The following ADAMTSL3 variants were observed in gnomAD, a reference collection of about 807,000 sequenced individuals.
ADAMTSL3 encodes the protein ADAMTS like 3.
In ADAMTSL3, 128 loss-of-function variants were observed where a neutral mutation model predicts 201.7. The ratio of observed to expected loss-of-function variants is 0.63; its 90% CI spans 0.55 to 0.73. The LOEUF is 0.73. Ranked by LOEUF, ADAMTSL3 falls within the 30% of genes least tolerant of loss-of-function variation. ADAMTSL3 has a pLI of 0.00. For synonymous variants in ADAMTSL3, 738 were observed against 748.4 expected (o/e 0.99, Z 0.23); for missense variants, 1,990 against 2,119.6 (o/e 0.94, Z 1.20).
At chr15:83,973,763 C>T (rs2067235595) in intron 20 of ADAMTSL3, among the ~76,000 whole-genome samples, 2 of 152,250 alleles carry the variant, frequency 1.3e-5, no homozygotes, top group South Asian at 2.1e-4. Flanking sequence ...ACCCCCTCTC[C>T]TCCTCAGATT....
At chr15:83,970,748 T>A (rs1009782326) in intron 20 of ADAMTSL3, 111 bp downstream of exon 20, 25 of 1,366,372 alleles carry the variant, frequency 1.8e-5, no homozygotes, top group Non-Finnish European at 2.5e-5. Flanking sequence ...GTAAGGCAAC[T>A]CAAGCTGTAC....
intron 8 of ADAMTSL3, among the ~76,000 whole-genome samples, chr15:83,866,290 C>T (rs2064974598): frequency 6.6e-6 from 1 of 152,162 alleles, no homozygotes; most frequent in African/African-American, 2.4e-5. Context: ...AATCATGCTG[C>T]TATAAAGACA....
At chr15:83,822,685 G>C (rs1408231365) in intron 6 of ADAMTSL3, among the ~76,000 whole-genome samples, 2 of 151,290 alleles carry the variant, frequency 1.3e-5, no homozygotes, top group African/African-American at 4.9e-5. Context: ...ATGGCGGCCG[G>C]GCAGAGACGC....
At chr15:83,859,680 G>A (rs980847623) in intron 8 of ADAMTSL3, among the ~76,000 whole-genome samples, 1 of 152,052 alleles carries the variant, frequency 6.6e-6, no homozygotes, top group Non-Finnish European at 1.5e-5. Flanking sequence ...TCCATTCATG[G>A]GGGTGGTGGT....
At position 83,883,142 on chromosome 15, in the gene ADAMTSL3, C is replaced by T. The variant is rs6603000; in HGVS notation, c.961-1959C>T. ...TGAAATATCTTTTATAATACTATTT[C>T]TATTTTATTTTATTTTATTTTATTT... On this transcript the variant is annotated intron_variant, in intron 9 of 29. Coordinates refer to ENST00000286744, the MANE Select transcript of ADAMTSL3 (RefSeq NM_207517.3). Among the ~76,000 whole-genome samples, 130 of 37,332 alleles carry T rather than the reference C, an allele frequency of 3.5e-3. 3 individuals are homozygous for T. Among genetic ancestry groups the T allele is most frequent in the Admixed American group, 0.013 (30 of 2,268 alleles). The allele number at this position is 37,332 out of a possible 152,430, so 24.5% of individuals were successfully genotyped here.
chr15:83,820,813 C>T (rs1467148669), intron 6 of ADAMTSL3, among the ~76,000 whole-genome samples: 1 of 152,084 alleles, frequency 6.6e-6, no homozygotes, highest in Non-Finnish European at 1.5e-5. Context: ...TGGAGGCTCA[C>T]CCTGTAATCC....
chr15:83,812,577 A>G (rs1360468309), intron 5 of ADAMTSL3, among the ~76,000 whole-genome samples: 1 of 152,166 alleles, frequency 6.6e-6, no homozygotes, highest in Non-Finnish European at 1.5e-5. Flanking sequence ...CTCAGTCTCT[A>G]TCAGAGTAGT....
chr15:83,672,221 T>A (rs1200775422), intron 2 of ADAMTSL3, among the ~76,000 whole-genome samples: 1 of 152,312 alleles, frequency 6.6e-6, no homozygotes, highest in East Asian at 1.9e-4. Context: ...AGCTATGTTA[T>A]AAAATGGATA....
chr15:83,781,196 G>A (rs542212723), intron 4 of ADAMTSL3, among the ~76,000 whole-genome samples: 8 of 152,196 alleles, frequency 5.3e-5, no homozygotes, highest in South Asian at 2.1e-4. Context: ...GCATCATGCC[G>A]CCTGACTTAC....
chr15:83,842,035 C>G (rs991815587), intron 7 of ADAMTSL3, among the ~76,000 whole-genome samples: 2 of 151,552 alleles, frequency 1.3e-5, no homozygotes, highest in African/African-American at 4.8e-5. Flanking sequence ...CCCACTCCAT[C>G]CCCCTTCTGC....
chr15:83,745,435 C>G (rs2062529599), intron 3 of ADAMTSL3, among the ~76,000 whole-genome samples: 1 of 152,164 alleles, frequency 6.6e-6, no homozygotes, highest in Non-Finnish European at 1.5e-5. Context: ...CTTAAGCTGG[C>G]AAAGCTAAAA....
At chr15:83,892,536 A>G (rs981748938) in intron 12 of ADAMTSL3, 148 bp from the exon 13 acceptor site, 1 of 769,548 alleles carries the variant, frequency 1.3e-6, no homozygotes, top group Non-Finnish European at 2.0e-6. Context: ...TCTCAACAAA[A>G]AAAAGTATAA....
intron 22 of ADAMTSL3, among the ~76,000 whole-genome samples, chr15:83,989,937 G>C (rs1388584155): frequency 1.3e-5 from 2 of 152,206 alleles, no homozygotes; most frequent in African/African-American, 2.4e-5. Flanking sequence ...CATAAAGTGG[G>C]AAGTCAGACA....
rs1305026027 is a variant in ADAMTSL3 at position 83,884,338 on chromosome 15, C to CCTTTT, written c.961-763_961-762insCTTTT. On this transcript the variant is annotated intron_variant, in intron 9 of 29. Coordinates refer to ENST00000286744, the MANE Select transcript of ADAMTSL3 (RefSeq NM_207517.3). The stretch of plus-strand genomic sequence containing the variant: ...TGTTACCTCATTGGTGCCCTATTTC[C>CCTTTT]TTTTTTTTTTTTTTTTTTTTTTGAG... Among the ~76,000 whole-genome samples the CCTTTT allele has an allele frequency of 4.4e-5, 5 of 114,486 alleles. 2 individuals carry two copies. Among genetic ancestry groups the CCTTTT allele is most frequent in the African/African-American group, 1.4e-4 (4 of 28,892 alleles). 75.1% of individuals were successfully genotyped at this position (114,486 alleles called of 152,430 possible). A position where few individuals can be genotyped will look rare whatever the true frequency, so the allele number is the denominator to read the frequency against.
intron 7 of ADAMTSL3, among the ~76,000 whole-genome samples, chr15:83,842,306 G>A (rs187439964): frequency 5.3e-5 from 8 of 152,128 alleles, no homozygotes; most frequent in Non-Finnish European, 8.8e-5. Flanking sequence ...AAAGGCAGAG[G>A]TTCTAACTGA....
At chr15:83,687,041 A>AACAG (rs993153997) in intron 2 of ADAMTSL3, among the ~76,000 whole-genome samples, 2 of 151,624 alleles carry the variant, frequency 1.3e-5, no homozygotes, top group African/African-American at 4.9e-5. Flanking sequence ...CAAACAAACA[A>AACAG]ACAAACAAAC....
At chr15:83,894,791 G>T in intron 13 of ADAMTSL3, among the ~76,000 whole-genome samples, 1 of 149,712 alleles carries the variant, frequency 6.7e-6, no homozygotes, top group African/African-American at 2.5e-5. Context: ...TCTGAATTGA[G>T]TTAATTTTAA....
chr15:83,755,577 T>C (rs1032630485), intron 3 of ADAMTSL3, among the ~76,000 whole-genome samples: 2 of 152,250 alleles, frequency 1.3e-5, no homozygotes, highest in African/African-American at 4.8e-5. Context: ...ATCCATGTTG[T>C]AGCCTGTGCC....
At chr15:83,757,398 C>T (rs891255536) in intron 3 of ADAMTSL3, among the ~76,000 whole-genome samples, 5 of 152,172 alleles carry the variant, frequency 3.3e-5, no homozygotes, top group African/African-American at 1.2e-4. Flanking sequence ...AAGCCATGGC[C>T]TGAGTTGTAC....
Sources: allele counts gnomAD v4.1 joint callset (sites outside exome capture counted in the v4.1 genomes callset), GRCh38; gene constraint gnomAD v4.1.1; transcripts MANE v1.5; gene names NCBI Gene and HGNC (gene_info 2026-07-23, HGNC 2026-07-21).